SCAP: variants seen among roughly 807,000 people sequenced by gnomAD.
SCAP encodes sterol regulatory element-binding protein cleavage-activating protein.
SCAP carries 65 observed loss-of-function variants against 123.6 expected under a neutral mutation model. The observed-to-expected ratio is 0.53, with a 90% CI of 0.43 to 0.65. SCAP has a LOEUF of 0.65. SCAP is among the 30% of genes least tolerant of loss of function. SCAP has a pLI of 0.00. For missense variants in SCAP, 1,398 were observed against 1,712.5 expected, an observed-to-expected ratio of 0.82 and a Z score of 3.24; for synonymous variants, 740 against 726.3, an observed-to-expected ratio of 1.02 and a Z score of -0.30.
At chr3:47,432,269 A>G (rs1316724379) in intron 3 of SCAP, among the ~76,000 whole-genome samples, 1 of 143,796 alleles carries the variant, frequency 7.0e-6, no homozygotes, top group Non-Finnish European at 1.5e-5. Flanking sequence ...GTGAGCTGAG[A>G]TCGCGCCACT....
chr3:47,426,222 G>A (rs1414695245), intron 6 of SCAP, 53 bp from the exon 7 acceptor site: 2 of 1,555,540 alleles, frequency 1.3e-6, no homozygotes, highest in Non-Finnish European at 1.7e-6. Context: ...TGGTTCTGGG[G>A]ACAAAGACAA....
chr3:47,428,867 C>G, intron 3 of SCAP, 197 bp from the exon 4 acceptor site: 1 of 550,386 alleles, frequency 1.8e-6, no homozygotes. Flanking sequence ...AAACTCCCTC[C>G]GCTTATGAGA....
intron 10 of SCAP, among the ~76,000 whole-genome samples, chr3:47,421,984 G>A (rs529528112): frequency 3.2e-4 from 49 of 152,394 alleles, no homozygotes; most frequent in Admixed American, 1.0e-3. Flanking sequence ...GGCCAGGCAA[G>A]GCCATGCGTC....
chr3:47,426,156 G>A lies in SCAP; in HGVS notation c.751C>T (p.Leu251=). The A allele has an allele frequency of 1.2e-6, 2 of 1,613,332 alleles. No homozygotes were observed. The highest frequency in any genetic ancestry group is 1.7e-6 in the Non-Finnish European group (2 of 1,179,742). ...QHYHAKFLGS[L]RARLMLLHPS... ...TGCAGAAGCATCAGGCGGGCACGCA[G>A]GCTGCCCAGGAACCTGGTCAAGGAG... is the stretch of plus-strand genomic sequence containing the variant. Residue 251 remains leucine (L), a synonymous_variant, in exon 7 of 23, where the codon CTG becomes TTG. Transcript: ENST00000265565.
Position 47,417,529 on chromosome 3 carries a change from C to CA in SCAP, c.2744dup (p.Val916GlyfsTer32), listed in dbSNP as rs1216843296. 1.3e-6 allele frequency: 2 copies of CA among 1,565,400 alleles called. No individual in the cohort carries two copies. The highest frequency in any genetic ancestry group is 1.7e-6 in the Non-Finnish European group (2 of 1,155,564). ...CCTCCTCCTGGTACACCCGCTGCAC[C>CA]AGGCAGCTGAAGTCATAGCCTGGGG... On this transcript the variant is annotated frameshift_variant, in exon 17 of 23. Coordinates refer to ENST00000265565, the MANE Select transcript of SCAP (RefSeq NM_012235.4). LOFTEE classifies it high-confidence loss of function.
Position 47,415,187 on chromosome 3 carries a change from G to A in SCAP, c.3057-7C>T, listed in dbSNP as rs1240451836. ...GAGCCGTGCAGCCACAATCCTGGAA[G>A]AGAAGAACAGCTGCCAGGGGCCTCT... On this transcript the variant is annotated splice_polypyrimidine_tract_variant and splice_region_variant and intron_variant, in intron 18 of 22. Coordinates refer to ENST00000265565, the MANE Select transcript of SCAP (RefSeq NM_012235.4). The A allele has an allele frequency of 6.2e-7, 1 of 1,604,728 alleles. No individual in the cohort carries two copies. Among genetic ancestry groups the A allele is most frequent in the South Asian group, 1.1e-5 (1 of 89,818 alleles).
intron 1 of SCAP, 121 bp from the exon 2 acceptor site, chr3:47,443,212 C>T (rs561619946): frequency 1.9e-6 from 1 of 522,968 alleles, no homozygotes; most frequent in South Asian, 2.1e-5. Flanking sequence ...TATGCAAGGT[C>T]TAGTGACCTC....
At chr3:47,425,858 G>T in intron 7 of SCAP, 139 bp downstream of exon 7, 1 of 1,038,348 alleles carries the variant, frequency 9.6e-7, no homozygotes, top group Non-Finnish European at 1.4e-6. Flanking sequence ...CCTGCTGGGG[G>T]ACAAAGCCCT....
At position 47,425,650 on chromosome 3, in the gene SCAP, C is replaced by G. The variant is rs184379578; in HGVS notation, c.911-39G>C. 3.1e-6 allele frequency: 5 copies of G among 1,608,038 alleles called. No homozygotes were observed. In the Admixed American group the frequency reaches 8.4e-5, roughly 27 times the overall value. ...AGGGCGTATCAGGGCGGCCCCTCCC[C>G]CAGCCCCCGGCCCACTGGGGCTCCC... On this transcript the variant is annotated intron_variant, in intron 7 of 22. Coordinates refer to ENST00000265565, the MANE Select transcript of SCAP (RefSeq NM_012235.4).
chr3:47,424,154 G>A, intron 8 of SCAP, 109 bp from the exon 9 acceptor site: 1 of 756,476 alleles, frequency 1.3e-6, no homozygotes, highest in African/African-American at 1.7e-5. Context: ...GCTGCTGAGT[G>A]ACTCCCACAG....
intron 1 of SCAP, among the ~76,000 whole-genome samples, chr3:47,460,265 A>T (rs1352935833): frequency 2.6e-5 from 4 of 152,242 alleles, no homozygotes; most frequent in Non-Finnish European, 5.9e-5. Context: ...GCTTACGAAG[A>T]TAACAGGATT....
chr3:47,424,685 C>T (rs140372128), intron 8 of SCAP, among the ~76,000 whole-genome samples: 94 of 152,222 alleles, frequency 6.2e-4, no homozygotes, highest in Non-Finnish European at 7.6e-4. Context: ...GTATGGCAGA[C>T]GGTATGGGGG....
chr3:47,425,684 G>A (rs1706097059), intron 7 of SCAP, 73 bp from the exon 8 acceptor site: 1 of 1,547,492 alleles, frequency 6.5e-7, no homozygotes, highest in African/African-American at 1.4e-5. Flanking sequence ...CCGGGAGTAG[G>A]TTGCCCTGAC....
chr3:47,417,595 G>A lies in SCAP; in HGVS notation c.2679C>T (p.Pro893=), dbSNP rs774130858. The A allele has an allele frequency of 5.0e-6, 8 of 1,598,788 alleles. No homozygotes were observed. The highest frequency in any genetic ancestry group is 4.5e-5 in the East Asian group (2 of 44,208). ...CACAGACCGCCCGGTGCCGGGGCTC[G>A]GGCTGAGTGGGCTGTGAGGACCGAG... ...AQPRSSQPTQ[P]EPRHRAVCGR... Residue 893 remains proline, a synonymous_variant, in exon 17 of 23, where the codon CCC becomes CCT. Transcript: ENST00000265565.
chr3:47,467,604 AG>A (rs1011594103), intron 1 of SCAP, among the ~76,000 whole-genome samples: 3 of 146,148 alleles, frequency 2.1e-5, no homozygotes, highest in Non-Finnish European at 4.6e-5. Context: ...CCCCGTCTCA[AG>A]AAAAAGAAAA....
intron 1 of SCAP, among the ~76,000 whole-genome samples, chr3:47,473,080 C>CAAAAAAAAAAAAAAAAAAAAAAAAACA (rs34472664): frequency 2.6e-5 from 1 of 38,060 alleles, no homozygotes; most frequent in East Asian, 1.1e-3. Context: ...AACTCCATCT[C>CAAAAAAAAAAAAAAAAAAAAAAAAACA]AAAAAAAAAA....
chr3:47,446,327 C>T (rs1026339007), intron 1 of SCAP, among the ~76,000 whole-genome samples: 1 of 152,072 alleles, frequency 6.6e-6, no homozygotes, highest in Non-Finnish European at 1.5e-5. Context: ...GCACTCACCA[C>T]CACACCCGGC....
intron 2 of SCAP, among the ~76,000 whole-genome samples, chr3:47,440,221 A>G (rs920176809): frequency 4.6e-5 from 7 of 152,232 alleles, no homozygotes; most frequent in Non-Finnish European, 1.0e-4. Context: ...AATGTCTAGC[A>G]AAACTACTAG....
At chr3:47,434,783 G>C in intron 3 of SCAP, 1 of 438,426 alleles carries the variant, frequency 2.3e-6, no homozygotes, top group Non-Finnish European at 4.1e-6. Context: ...GTTGCAGTGA[G>C]CCGAGATTGT....
Sources: gnomAD v4.1 joint callset for allele counts (sites outside exome capture counted in the v4.1 genomes callset) on GRCh38, gnomAD v4.1.1 for gene constraint, MANE v1.5 for transcripts, NCBI Gene and HGNC (gene_info 2026-07-23, HGNC 2026-07-21) for gene names.